The following DAPK2 variants were observed in gnomAD, a reference collection of about 807,000 sequenced individuals.
The protein encoded by DAPK2 is death-associated protein kinase 2.
Under a neutral mutation model 44.1 loss-of-function variants are expected in DAPK2, and 35 were observed. The ratio of observed to expected loss-of-function variants is 0.79; its 90% CI spans 0.61 to 1.05. The LOEUF is 1.05. DAPK2 is among the 50% of genes least tolerant of loss of function. The probability of loss-of-function intolerance (pLI) is 0.00; values close to 1 mark genes in which losing one functional copy is unlikely to be tolerated. For missense variants in DAPK2, 453 were observed against 483.2 expected (o/e 0.94, Z 0.59); for synonymous variants, 174 against 182.6 (o/e 0.95, Z 0.38).
chr15:63,914,664 AC>A (rs2078881640), intron 8 of DAPK2, among the ~76,000 whole-genome samples: 1 of 151,928 alleles, frequency 6.6e-6, no homozygotes, highest in African/African-American at 2.4e-5. Flanking sequence ...TGTACCCTCC[AC>A]CCTGATTTTC....
At chr15:64,023,913 T>C (rs2079762008) in intron 1 of DAPK2, among the ~76,000 whole-genome samples, 1 of 152,206 alleles carries the variant, frequency 6.6e-6, no homozygotes, top group Non-Finnish European at 1.5e-5. Context: ...AGAAAAACTT[T>C]AAAGGACCTT....
intron 3 of DAPK2, among the ~76,000 whole-genome samples, chr15:63,960,338 G>A (rs951676974): frequency 9.9e-5 from 15 of 152,074 alleles, no homozygotes; most frequent in Non-Finnish European, 7.4e-5. Context: ...GGTTTTTTGT[G>A]TCTCTATCTC....
intron 1 of DAPK2, chr15:63,991,418 T>C: frequency 2.3e-6 from 1 of 441,302 alleles, no homozygotes; most frequent in Non-Finnish European, 4.6e-6. Context: ...CCCAGGCCCC[T>C]CGTTTCATGA....
chr15:64,016,723 G>A (rs1045294508), intron 1 of DAPK2, among the ~76,000 whole-genome samples: 2 of 151,916 alleles, frequency 1.3e-5, no homozygotes, highest in African/African-American at 2.4e-5. Flanking sequence ...AGCCCAGGAG[G>A]TCAAGGCCAC....
intron 6 of DAPK2, among the ~76,000 whole-genome samples, chr15:63,926,804 G>T (rs1301357128): frequency 6.6e-6 from 1 of 152,204 alleles, no homozygotes. Context: ...CTCCCTTGAT[G>T]AATCACATTA....
At chr15:63,996,063 G>T (rs373129461) in intron 1 of DAPK2, among the ~76,000 whole-genome samples, 1 of 152,220 alleles carries the variant, frequency 6.6e-6, no homozygotes, top group Non-Finnish European at 1.5e-5. Flanking sequence ...GATGTTGGGT[G>T]TATTTCCTCC....
intron 1 of DAPK2, among the ~76,000 whole-genome samples, chr15:64,014,128 G>T (rs1387093394): frequency 6.6e-6 from 1 of 152,158 alleles, no homozygotes; most frequent in Non-Finnish European, 1.5e-5. Context: ...TGGGAAATGG[G>T]GTTATCACAG....
chr15:63,920,689 C>A (rs992517334), intron 8 of DAPK2: 2 of 152,236 alleles, frequency 1.3e-5, no homozygotes, highest in Non-Finnish European at 2.9e-5. Flanking sequence ...GAGCTGTTCA[C>A]GGGGCATTCC....
intron 1 of DAPK2, among the ~76,000 whole-genome samples, chr15:64,011,052 C>T (rs1320385287): frequency 6.6e-6 from 1 of 152,156 alleles, no homozygotes; most frequent in East Asian, 1.9e-4. Context: ...TCATGGTAGG[C>T]ACCCAATCTG....
chr15:63,912,068 G>GCCCCCCCCCCCTGCCCCCCCC lies in DAPK2; in HGVS notation c.948+39_948+40insGGGGGGGGCAGGGGGGGGGGG. On this transcript the variant is annotated intron_variant, in intron 9 of 10. Coordinates refer to ENST00000261891, the Ensembl canonical transcript of DAPK2. The surrounding 1 kb of genome is among the most constrained non-coding windows in gnomAD (Gnocchi z 4.4). ...CTGGAGAGCCAGAAACCCCGCCCTA[G>GCCCCCCCCCCCTGCCCCCCCC]CCCCCACCCTGTCCCCCGCCGCCCC... 7.6e-7 allele frequency: 1 copy of GCCCCCCCCCCCTGCCCCCCCC among 1,312,410 alleles called. No individual in the cohort carries two copies. Among genetic ancestry groups the GCCCCCCCCCCCTGCCCCCCCC allele is most frequent in the Non-Finnish European group, 1.1e-6 (1 of 924,244 alleles). 81.3% of individuals were successfully genotyped at this position (1,312,410 alleles called of 1,614,324 possible).
At chr15:63,935,452 A>G (rs1344601653) in intron 4 of DAPK2, 1 of 152,064 alleles carries the variant, frequency 6.6e-6, no homozygotes, top group Non-Finnish European at 1.5e-5. Context: ...ATTTTTCCTC[A>G]GCTCTTTGAA....
At chr15:63,988,469 A>T (rs1466359023) in intron 1 of DAPK2, among the ~76,000 whole-genome samples, 1 of 151,916 alleles carries the variant, frequency 6.6e-6, no homozygotes, top group Non-Finnish European at 1.5e-5. Context: ...AATTTTGTAT[A>T]GCAATGTGAA....
chr15:64,014,955 T>C (rs2079484546), intron 1 of DAPK2, among the ~76,000 whole-genome samples: 1 of 149,918 alleles, frequency 6.7e-6, no homozygotes, highest in South Asian at 2.1e-4. Flanking sequence ...ATTCTGACAT[T>C]GTTGAAGGAG....
chr15:63,961,676 C>A (rs2077904673), intron 3 of DAPK2, among the ~76,000 whole-genome samples: 1 of 152,224 alleles, frequency 6.6e-6, no homozygotes, highest in Admixed American at 6.5e-5. Context: ...GGCCCCCACT[C>A]TCTTCTGGCT....
At chr15:63,995,662 T>C (rs2078933828) in intron 1 of DAPK2, among the ~76,000 whole-genome samples, 1 of 152,226 alleles carries the variant, frequency 6.6e-6, no homozygotes, top group Non-Finnish European at 1.5e-5. Context: ...GGGGACCCAC[T>C]GCCATCCCTT....
intron 2 of DAPK2, among the ~76,000 whole-genome samples, chr15:63,977,028 C>A (rs1417540920): frequency 2.0e-5 from 3 of 152,052 alleles, no homozygotes; most frequent in Non-Finnish European, 2.9e-5. Context: ...AGGAACAAGT[C>A]TAATCCAGAC....
rs1487546442 is a variant in DAPK2, at chr15:63,939,656, C to A, written c.454-295G>T. On this transcript the variant is annotated intron_variant, in intron 3 of 10. Coordinates refer to ENST00000261891, the Ensembl canonical transcript of DAPK2. The surrounding 1 kb of genome is among the most constrained non-coding windows in gnomAD (Gnocchi z 4.3). ...CCATTCTGTCTCTGAGTGGCAGATC[C>A]CTTTAATGCAGTGCCTCTGTTTTCC... Among the ~76,000 whole-genome samples, 1 of 152,188 alleles carries A rather than the reference C, an allele frequency of 6.6e-6. No homozygotes were observed. The highest frequency in any genetic ancestry group is 1.5e-5 in the Non-Finnish European group (1 of 68,024).
intron 7 of DAPK2, 142 bp from the exon 9 acceptor site, chr15:63,925,003 T>C (rs2079199421): frequency 3.5e-6 from 3 of 862,552 alleles, no homozygotes; most frequent in Non-Finnish European, 5.5e-6. Flanking sequence ...GATGCAGAGA[T>C]GGATGGGAGC....
chr15:63,914,911 C>T (rs1294266099), intron 8 of DAPK2, among the ~76,000 whole-genome samples: 3 of 152,216 alleles, frequency 2.0e-5, no homozygotes, highest in Admixed American at 1.3e-4. Flanking sequence ...CTTCATTACA[C>T]GTGGTGCTAC....
Sources: allele counts gnomAD v4.1 joint callset (sites outside exome capture counted in the v4.1 genomes callset), GRCh38; gene constraint gnomAD v4.1.1; non-coding constraint Gnocchi (gnomAD v3.1); transcripts MANE v1.5; gene names NCBI Gene and HGNC (gene_info 2026-07-23, HGNC 2026-07-21).